The following REL variants were observed in gnomAD, a reference collection of about 807,000 sequenced individuals.
REL encodes proto-oncogene c-Rel.
REL carries 15 observed loss-of-function variants against 45.9 expected under a neutral mutation model. That is an observed-to-expected ratio of 0.33 (90% CI 0.22 to 0.50). The LOEUF (loss-of-function observed/expected upper bound fraction) is 0.50. REL is among the 20% of genes least tolerant of loss of function. The pLI is 0.98. For missense variants in REL, 601 were observed against 715.2 expected, an observed-to-expected ratio of 0.84 and a Z score of 1.82; for synonymous variants, 239 against 242.1, an observed-to-expected ratio of 0.99 and a Z score of 0.12.
intron 1 of REL, among the ~76,000 whole-genome samples, chr2:60,885,029 A>G (rs2103914218): frequency 6.6e-6 from 1 of 152,282 alleles, no homozygotes; most frequent in African/African-American, 2.4e-5. Flanking sequence ...TAGAAATAAC[A>G]ATGGAGTTAA....
At chr2:60,889,076 AC>A (rs1199313894) in intron 1 of REL, among the ~76,000 whole-genome samples, 1 of 152,222 alleles carries the variant, frequency 6.6e-6, no homozygotes, top group Non-Finnish European at 1.5e-5. Flanking sequence ...AATGAAATCC[AC>A]ATTGCCAAGT....
At chr2:60,893,700 T>C (rs1015780945) in intron 2 of REL, among the ~76,000 whole-genome samples, 1 of 152,234 alleles carries the variant, frequency 6.6e-6, no homozygotes, top group Non-Finnish European at 1.5e-5. Context: ...CCTTGTAAGC[T>C]ACCCATTCTT....
At chr2:60,883,844 CTTTTTT>C (rs71402307) in intron 1 of REL, among the ~76,000 whole-genome samples, 1 of 126,574 alleles carries the variant, frequency 7.9e-6, no homozygotes, top group Admixed American at 8.1e-5. Flanking sequence ...GGGTGATTAA[CTTTTTT>C]TTTTTTTTTT....
In REL at chr2:60,900,877, A is replaced by G. The variant is rs537003583; in HGVS notation, c.303-115A>G. On this transcript the variant is annotated intron_variant, in intron 3 of 9. Coordinates refer to ENST00000394479, the MANE Select transcript of REL (RefSeq NM_001291746.2). Reference sequence around the variant, plus strand: ...TATCAGAGCAATTGGAAGCACGTTCATGCTTTGGTATGTACAACTGACAGC... The same window carrying G: ...TATCAGAGCAATTGGAAGCACGTTCGTGCTTTGGTATGTACAACTGACAGC... 1.1e-4 allele frequency: 94 copies of G among 853,030 alleles called. No individual in the cohort carries two copies. In the African/African-American group the frequency reaches 1.4e-3, roughly 13 times the overall value. 52.8% of individuals were successfully genotyped at this position (853,030 alleles called of 1,614,324 possible).
chr2:60,914,597 C>T (rs1471030500), intron 4 of REL, among the ~76,000 whole-genome samples: 1 of 152,150 alleles, frequency 6.6e-6, no homozygotes, highest in Non-Finnish European at 1.5e-5. Flanking sequence ...TAACCACAAT[C>T]AAGCTATGGA....
rs113307104 is a variant in REL, at chr2:60,893,891, A to G, written c.154-506A>G. Among the ~76,000 whole-genome samples, 7 of 152,264 alleles carry G rather than the reference A, an allele frequency of 4.6e-5. 1 individual carries two copies. The highest frequency in any genetic ancestry group is 1.4e-4 in the African/African-American group (6 of 41,552). On this transcript the variant is annotated intron_variant, in intron 2 of 9. Transcript: ENST00000394479. ...GTGAAATTTGATGTTGTTAAACTCA[A>G]TTTGATTTATTGCCTATTCTAGAGT...
chr2:60,923,542 A>G lies in REL; in HGVS notation c.*1007A>G, dbSNP rs901049544. On this transcript the variant is annotated 3_prime_UTR_variant, in exon 10 of 10. Coordinates refer to ENST00000394479, the MANE Select transcript of REL (RefSeq NM_001291746.2). Reference sequence around the variant, plus strand: ...ACTGAATTCTTGGTCTTCCCTCCCAAACTTGCTTCTCCTTCAGTCTTCTCC... The same window carrying G: ...ACTGAATTCTTGGTCTTCCCTCCCAGACTTGCTTCTCCTTCAGTCTTCTCC... 4.3e-6 allele frequency: 1 copy of G among 232,548 alleles called. No individual in the cohort carries two copies. The highest frequency in any genetic ancestry group is 8.5e-6 in the Non-Finnish European group (1 of 117,704). The allele number at this position is 232,548 out of a possible 1,614,324, so 14.4% of individuals were successfully genotyped here. A position where few individuals can be genotyped will look rare whatever the true frequency, so the allele number is the denominator to read the frequency against.
intron 4 of REL, among the ~76,000 whole-genome samples, chr2:60,913,522 G>A (rs1019694736): frequency 3.9e-5 from 6 of 152,124 alleles, no homozygotes; most frequent in Non-Finnish European, 8.8e-5. Flanking sequence ...CTTACTCCTA[G>A]GGTATAGCTC....
At chr2:60,883,255 G>A (rs1672992847) in intron 1 of REL, among the ~76,000 whole-genome samples, 1 of 152,184 alleles carries the variant, frequency 6.6e-6, no homozygotes, top group South Asian at 2.1e-4. Flanking sequence ...GAGGAAGTAG[G>A]AAGCTTAAAG....
At position 60,881,648 on chromosome 2, in the gene REL, C is replaced by G. The variant is rs1672938177; in HGVS notation, c.-193C>G. ...CGGCGACGCTGGGTGACCCGGGGTG[C>G]AAGAATTCAGGGGTTGGGAAGGTGT... On this transcript the variant is annotated 5_prime_UTR_variant, in exon 1 of 10. Coordinates refer to ENST00000394479, the MANE Select transcript of REL (RefSeq NM_001291746.2). 1 of 523,124 alleles carries G rather than the reference C, an allele frequency of 1.9e-6. No homozygotes were observed. Among genetic ancestry groups the G allele is most frequent in the Non-Finnish European group, 3.4e-6 (1 of 295,446 alleles). The allele number at this position is 523,124 out of a possible 1,614,324, so 32.4% of individuals were successfully genotyped here. A position where few individuals can be genotyped will look rare whatever the true frequency, so the allele number is the denominator to read the frequency against.
At chr2:60,915,878 G>T (rs921206040) in intron 4 of REL, among the ~76,000 whole-genome samples, 53 of 151,956 alleles carry the variant, frequency 3.5e-4, no homozygotes. Context: ...TTTTAAGTTT[G>T]CACGTAAAAT....
chr2:60,924,009 A>G lies in REL; in HGVS notation c.*1474A>G. ...CCCACCTCCTCATGCAGCTCCAGGC[A>G]CCTTGGCCTCAGTGCTCCTCAAAGC... On this transcript the variant is annotated 3_prime_UTR_variant, in exon 10 of 10. Coordinates refer to ENST00000394479, the MANE Select transcript of REL (RefSeq NM_001291746.2). 4.3e-6 allele frequency: 1 copy of G among 233,012 alleles called. No individual in the cohort carries two copies. The allele number at this position is 233,012 out of a possible 1,614,324, so 14.4% of individuals were successfully genotyped here.
intron 3 of REL, among the ~76,000 whole-genome samples, chr2:60,897,303 CT>C (rs34839609): frequency 4.6e-4 from 66 of 143,742 alleles, no homozygotes; most frequent in East Asian, 4.3e-3. Context: ...TTTCTTTTTT[CT>C]TTTTTTTTTT....
intron 7 of REL, among the ~76,000 whole-genome samples, chr2:60,918,896 T>C (rs1276424050): frequency 6.6e-6 from 1 of 152,162 alleles, no homozygotes; most frequent in Non-Finnish European, 1.5e-5. Flanking sequence ...GTTCAAGCGA[T>C]TCTTCTGCCT....
At chr2:60,882,896 G>A (rs1217044331) in intron 1 of REL, among the ~76,000 whole-genome samples, 1 of 152,062 alleles carries the variant, frequency 6.6e-6, no homozygotes, top group Non-Finnish European at 1.5e-5. Flanking sequence ...CTCTCCCTTT[G>A]GGGGGGAATA....
rs1200819520 is a variant in REL at position 60,928,451 on chromosome 2, G to A, written c.*5916G>A. 6.6e-6 allele frequency: 1 copy of A among 151,284 alleles called. No individual in the cohort carries two copies. The highest frequency in any genetic ancestry group is 2.1e-4 in the South Asian group (1 of 4,772). 9.4% of individuals were successfully genotyped at this position (151,284 alleles called of 1,614,324 possible). On this transcript the variant is annotated 3_prime_UTR_variant, in exon 10 of 10. Coordinates refer to ENST00000394479, the MANE Select transcript of REL (RefSeq NM_001291746.2). The stretch of plus-strand genomic sequence containing the variant: ...CTACAAGGCTACAGTAACCAAAACA[G>A]CATGGTACTGGTACCAAAACAGAGA...
At chr2:60,894,820 G>A (rs1043936285) in intron 3 of REL, among the ~76,000 whole-genome samples, 2 of 149,524 alleles carry the variant, frequency 1.3e-5, no homozygotes, top group Admixed American at 1.3e-4. Flanking sequence ...TTCTTGGGGT[G>A]GACAGTTTTT....
At chr2:60,921,486 G>T (rs1349612804) in intron 9 of REL, among the ~76,000 whole-genome samples, 1 of 152,052 alleles carries the variant, frequency 6.6e-6, no homozygotes. Flanking sequence ...TCAGAAACTA[G>T]ATTTTCATAT....
chr2:60,905,851 C>T (rs2103956656), intron 4 of REL, among the ~76,000 whole-genome samples: 1 of 152,314 alleles, frequency 6.6e-6, no homozygotes, highest in East Asian at 1.9e-4. Context: ...CCATGACCCA[C>T]AGTAAGAAAT....
Sources: gnomAD v4.1 joint callset for allele counts (sites outside exome capture counted in the v4.1 genomes callset) on GRCh38, gnomAD v4.1.1 for gene constraint, MANE v1.5 for transcripts, NCBI Gene and HGNC (gene_info 2026-07-23, HGNC 2026-07-21) for gene names.